Variants in DLG2 observed in about 807,000 individuals in gnomAD.
DLG2 encodes disks large homolog 2.
Under a neutral mutation model 132.5 loss-of-function variants are expected in DLG2, and 45 were observed. The observed-to-expected ratio is 0.34, with a 90% CI of 0.27 to 0.44. DLG2 has a LOEUF of 0.44. DLG2 is among the 20% of genes least tolerant of loss of function. The probability of loss-of-function intolerance (pLI) is 1.00; values close to 1 mark genes in which losing one functional copy is unlikely to be tolerated. For missense variants in DLG2, 1,045 were observed against 1,196.9 expected (o/e 0.87, Z 1.87); for synonymous variants, 424 against 419.6 (o/e 1.01, Z -0.13).
chr11:84,438,354 T>G (rs905995244), intron 7 of DLG2, among the ~76,000 whole-genome samples: 5 of 152,168 alleles, frequency 3.3e-5, no homozygotes, highest in African/African-American at 4.8e-5. Context: ...TAGTTGTACC[T>G]GTAAAAGAAC....
chr11:85,176,687 G>T (rs2079272400), intron 4 of DLG2, among the ~76,000 whole-genome samples: 1 of 152,058 alleles, frequency 6.6e-6, no homozygotes, highest in Admixed American at 6.6e-5. Flanking sequence ...ACCTACAAAT[G>T]GGAGAAAATT....
At chr11:83,469,443 T>A (rs991282125) in intron 24 of DLG2, 70 bp from the exon 25 acceptor site, 5 of 1,110,746 alleles carry the variant, frequency 4.5e-6, no homozygotes, top group Non-Finnish European at 6.5e-6. Context: ...ACCTATATTC[T>A]CCACCACATC....
chr11:84,224,194 AGTT>A (rs1031966114), intron 8 of DLG2, among the ~76,000 whole-genome samples: 4 of 152,204 alleles, frequency 2.6e-5, no homozygotes, highest in African/African-American at 9.6e-5. Flanking sequence ...TGCTAGAAGA[AGTT>A]GAGAGCGGTT....
chr11:83,588,062 C>T (rs1005497231), intron 19 of DLG2, among the ~76,000 whole-genome samples: 28 of 152,162 alleles, frequency 1.8e-4, no homozygotes, highest in Admixed American at 1.7e-3. Flanking sequence ...AGGGGAGGGG[C>T]GCCCGCCATT....
chr11:84,847,248 G>C (rs529295998), intron 6 of DLG2, among the ~76,000 whole-genome samples: 1 of 152,300 alleles, frequency 6.6e-6, no homozygotes, highest in African/African-American at 2.4e-5. Flanking sequence ...GATGGTTAAT[G>C]ATGACTGGAA....
chr11:83,637,869 T>C (rs1446479952), intron 18 of DLG2, among the ~76,000 whole-genome samples: 2 of 152,180 alleles, frequency 1.3e-5, no homozygotes, highest in African/African-American at 4.8e-5. Flanking sequence ...AGGACTTTCA[T>C]AGTTTTGAAC....
At chr11:84,546,088 G>T (rs2154523068) in intron 6 of DLG2, among the ~76,000 whole-genome samples, 1 of 152,222 alleles carries the variant, frequency 6.6e-6, no homozygotes, top group Non-Finnish European at 1.5e-5. Context: ...CTTCTTTAGT[G>T]CCACTCATAT....
intron 6 of DLG2, among the ~76,000 whole-genome samples, chr11:84,581,989 A>C (rs1427563006): frequency 2.0e-5 from 3 of 151,916 alleles, no homozygotes; most frequent in Non-Finnish European, 4.4e-5. Context: ...TTTAGTGTTC[A>C]TATTCACAAA....
At chr11:85,282,872 G>A (rs2078319987) in intron 4 of DLG2, among the ~76,000 whole-genome samples, 1 of 151,978 alleles carries the variant, frequency 6.6e-6, no homozygotes. Flanking sequence ...TAAAGAAAAT[G>A]TGATACATAT....
chr11:84,608,697 G>A (rs1385214001), intron 6 of DLG2, among the ~76,000 whole-genome samples: 1 of 152,126 alleles, frequency 6.6e-6, no homozygotes, highest in Non-Finnish European at 1.5e-5. Context: ...CAGACACTGT[G>A]GATGTGTCTG....
At chr11:85,364,234 A>G (rs1379101075) in intron 3 of DLG2, among the ~76,000 whole-genome samples, 1 of 152,138 alleles carries the variant, frequency 6.6e-6, no homozygotes, top group African/African-American at 2.4e-5. Flanking sequence ...AACACTGTCT[A>G]TGCCCCCAAC....
chr11:85,186,856 C>T (rs2080141859), intron 4 of DLG2, among the ~76,000 whole-genome samples: 1 of 152,028 alleles, frequency 6.6e-6, no homozygotes, highest in Non-Finnish European at 1.5e-5. Context: ...TTAAAAACTC[C>T]TTTAGATCAT....
At chr11:84,353,181 C>G (rs1415008314) in intron 7 of DLG2, among the ~76,000 whole-genome samples, 1 of 152,216 alleles carries the variant, frequency 6.6e-6, no homozygotes, top group Non-Finnish European at 1.5e-5. Flanking sequence ...TTACTGCCAA[C>G]TGTTTTTTAC....
chr11:84,438,798 G>A (rs1057317402), intron 7 of DLG2, among the ~76,000 whole-genome samples: 1 of 152,140 alleles, frequency 6.6e-6, no homozygotes, highest in Non-Finnish European at 1.5e-5. Flanking sequence ...GCCTTCCAGT[G>A]GCACACAAAC....
intron 12 of DLG2, among the ~76,000 whole-genome samples, chr11:83,973,183 T>G (rs1273745138): frequency 6.6e-6 from 1 of 152,102 alleles, no homozygotes; most frequent in African/African-American, 2.4e-5. Flanking sequence ...TATATTAGCA[T>G]AGTAATATAT....
At chr11:83,794,634 G>T (rs568953081) in intron 17 of DLG2, among the ~76,000 whole-genome samples, 1 of 152,022 alleles carries the variant, frequency 6.6e-6, no homozygotes, top group East Asian at 1.9e-4. Flanking sequence ...TGAGCATCAG[G>T]TATGTACATC....
At chr11:84,542,110 G>A (rs1360428915) in intron 6 of DLG2, among the ~76,000 whole-genome samples, 2 of 150,918 alleles carry the variant, frequency 1.3e-5, no homozygotes, top group Admixed American at 6.6e-5. Context: ...CTTGTAGCAG[G>A]AGTTGGCACA....
intron 7 of DLG2, among the ~76,000 whole-genome samples, chr11:84,425,177 A>G (rs1488818957): frequency 6.6e-6 from 1 of 152,084 alleles, no homozygotes; most frequent in Admixed American, 6.5e-5. Flanking sequence ...TATTTGTTGA[A>G]TTGTTAATTG....
At chr11:85,503,455 T>C (rs908251270) in intron 3 of DLG2, among the ~76,000 whole-genome samples, 1 of 152,110 alleles carries the variant, frequency 6.6e-6, no homozygotes, top group South Asian at 2.1e-4. Flanking sequence ...GTATCCAGGA[T>C]GGGTGCTATG....
Sources: allele counts gnomAD v4.1 joint callset (sites outside exome capture counted in the v4.1 genomes callset), GRCh38; gene constraint gnomAD v4.1.1; transcripts MANE v1.5; gene names NCBI Gene and HGNC (gene_info 2026-07-23, HGNC 2026-07-21).